The following ADAMTSL1 variants were observed in gnomAD, a reference collection of about 807,000 sequenced individuals.
The protein encoded by ADAMTSL1 is ADAMTS like 1.
Under a neutral mutation model 201.8 loss-of-function variants are expected in ADAMTSL1, and 126 were observed. The observed-to-expected ratio is 0.62, with a 90% CI of 0.54 to 0.72. The LOEUF is 0.72. Among genes scored for constraint, ADAMTSL1 ranks in the 30% least tolerant of loss-of-function variants. ADAMTSL1 has a pLI of 0.00. For synonymous variants in ADAMTSL1, 1,121 were observed against 903.4 expected (o/e 1.24, Z -4.32); for missense variants, 2,679 against 2,277.8 (o/e 1.18, Z -3.59).
intron 1 of ADAMTSL1, among the ~76,000 whole-genome samples, chr9:17,984,156 G>C (rs908250989): frequency 1.3e-5 from 2 of 152,214 alleles, no homozygotes; most frequent in African/African-American, 2.4e-5. Context: ...GCAATTAGCA[G>C]ATTCTTGTGA....
At chr9:18,306,861 T>C (rs1010814259) in intron 2 of ADAMTSL1, among the ~76,000 whole-genome samples, 1 of 151,952 alleles carries the variant, frequency 6.6e-6, no homozygotes, top group Non-Finnish European at 1.5e-5. Context: ...AAGATACTCC[T>C]CAAGAAGAGC....
At chr9:18,223,738 T>C (rs535652392) in intron 2 of ADAMTSL1, among the ~76,000 whole-genome samples, 1 of 152,212 alleles carries the variant, frequency 6.6e-6, no homozygotes, top group South Asian at 2.1e-4. Flanking sequence ...GCAATGTATC[T>C]ATCTTTAATT....
At chr9:18,474,111 G>A (rs952268765), upstream of ADAMTSL1, 8 of 819,582 alleles carry the variant, frequency 9.8e-6, no homozygotes, top group African/African-American at 8.4e-5. Flanking sequence ...AATGTGAGAG[G>A]GGCTGATGGA....
intron 1 of ADAMTSL1, among the ~76,000 whole-genome samples, chr9:17,963,312 A>G (rs1057137508): frequency 4.7e-4 from 71 of 152,184 alleles, no homozygotes; most frequent in African/African-American, 1.6e-3. Flanking sequence ...ATCCCTTTAT[A>G]TGGTTGGAGT....
At chr9:18,721,005 A>G (rs1050323684) in intron 14 of ADAMTSL1, among the ~76,000 whole-genome samples, 7 of 152,180 alleles carry the variant, frequency 4.6e-5, no homozygotes, top group Non-Finnish European at 1.0e-4. Flanking sequence ...TAGGTCACAA[A>G]AGAAATGAAC....
At chr9:18,889,464 A>T in intron 24 of ADAMTSL1, 104 bp from the exon 25 acceptor site, 1 of 1,294,266 alleles carries the variant, frequency 7.7e-7, no homozygotes, top group Non-Finnish European at 1.1e-6. Context: ...CCTTCAGGCC[A>T]CAAATCCACC....
At chr9:17,916,710 C>G (rs1217708219) in intron 1 of ADAMTSL1, among the ~76,000 whole-genome samples, 1 of 152,076 alleles carries the variant, frequency 6.6e-6, no homozygotes, top group African/African-American at 2.4e-5. Context: ...AGTGGTATAG[C>G]CTTATAAAAA....
At chr9:18,741,365 C>G (rs1266943733) in intron 15 of ADAMTSL1, among the ~76,000 whole-genome samples, 1 of 151,936 alleles carries the variant, frequency 6.6e-6, no homozygotes, top group African/African-American at 2.4e-5. Flanking sequence ...ACTGCAAAGA[C>G]AATTATCATG....
chr9:18,630,582 C>A (rs577614646), intron 5 of ADAMTSL1, among the ~76,000 whole-genome samples: 1 of 152,248 alleles, frequency 6.6e-6, no homozygotes, highest in Non-Finnish European at 1.5e-5. Context: ...AAAGCTGTAG[C>A]CTAGGAACTC....
Position 18,600,317 on chromosome 9 carries a change from A to G in ADAMTSL1, c.475-21926A>G, listed in dbSNP as rs553224009. Among the ~76,000 whole-genome samples, 10 of 152,346 alleles carry G rather than the reference A, an allele frequency of 6.6e-5. No individual in the cohort carries two copies. The South Asian group carries it at 2.1e-3, about 32-fold the overall frequency. On this transcript the variant is annotated intron_variant, in intron 4 of 28. Coordinates refer to ENST00000380548, the MANE Select transcript of ADAMTSL1 (RefSeq NM_001040272.6). ...GACACTCCCAAGTACTTAACATGCT[A>G]TTTAAACCTCAGAGAACCCCATCTA...
intron 2 of ADAMTSL1, among the ~76,000 whole-genome samples, chr9:18,276,343 A>C (rs1460706398): frequency 6.6e-6 from 1 of 152,134 alleles, no homozygotes; most frequent in Non-Finnish European, 1.5e-5. Context: ...AAAACTTTTA[A>C]GTTTTATGAA....
intron 2 of ADAMTSL1, among the ~76,000 whole-genome samples, chr9:18,312,969 G>A (rs1834213316): frequency 6.6e-6 from 1 of 152,168 alleles, no homozygotes; most frequent in Non-Finnish European, 1.5e-5. Flanking sequence ...CAAAGACCTG[G>A]ATTAAAAGTA....
upstream of ADAMTSL1, among the ~76,000 whole-genome samples, chr9:18,469,610 C>A (rs373952122): frequency 5.4e-4 from 82 of 152,332 alleles, no homozygotes; most frequent in African/African-American, 1.8e-3. Flanking sequence ...GGAAAAGCTG[C>A]ATGAAACAGC....
At chr9:18,036,799 A>G (rs545073705) in intron 1 of ADAMTSL1, among the ~76,000 whole-genome samples, 1 of 152,224 alleles carries the variant, frequency 6.6e-6, no homozygotes, top group Non-Finnish European at 1.5e-5. Flanking sequence ...TGAGATAGGT[A>G]GAAATTTGCT....
chr9:18,319,253 C>A (rs1410747779), intron 2 of ADAMTSL1, among the ~76,000 whole-genome samples: 1 of 152,060 alleles, frequency 6.6e-6, no homozygotes, highest in South Asian at 2.1e-4. Context: ...AAGCAGCATG[C>A]CTTTAATAAC....
At chr9:18,888,700 C>T (rs960019798) in intron 24 of ADAMTSL1, among the ~76,000 whole-genome samples, 24 of 152,284 alleles carry the variant, frequency 1.6e-4, no homozygotes, top group African/African-American at 5.8e-4. Flanking sequence ...TTTCCATAGG[C>T]TTGTTCGACC....
At chr9:18,473,141 A>G (rs1270439326), upstream of ADAMTSL1, among the ~76,000 whole-genome samples, 1 of 152,164 alleles carries the variant, frequency 6.6e-6, no homozygotes, top group East Asian at 1.9e-4. Context: ...AATGAGGTAA[A>G]ACTCAGTTCA....
intron 4 of ADAMTSL1, among the ~76,000 whole-genome samples, chr9:18,592,981 G>A (rs1824022402): frequency 6.6e-6 from 1 of 151,892 alleles, no homozygotes; most frequent in Non-Finnish European, 1.5e-5. Flanking sequence ...TGTAGCTATT[G>A]TAAATGAGAT....
intron 1 of ADAMTSL1, among the ~76,000 whole-genome samples, chr9:17,976,884 G>C (rs1041110210): frequency 6.6e-6 from 1 of 151,836 alleles, no homozygotes; most frequent in Admixed American, 6.6e-5. Context: ...GAATATAAAT[G>C]GCAAGAATAG....
Sources: gnomAD v4.1 joint callset for allele counts (sites outside exome capture counted in the v4.1 genomes callset) on GRCh38, gnomAD v4.1.1 for gene constraint, MANE v1.5 for transcripts, NCBI Gene and HGNC (gene_info 2026-07-23, HGNC 2026-07-21) for gene names.